The following ANAPC7 variants were observed in gnomAD, a reference collection of about 807,000 sequenced individuals.
ANAPC7 encodes anaphase-promoting complex subunit 7.
A neutral mutation model predicts 63.3 loss-of-function variants in ANAPC7; 25 were observed. The observed-to-expected ratio is 0.39, with a 90% CI of 0.29 to 0.55. The LOEUF (loss-of-function observed/expected upper bound fraction) is 0.55. Among genes scored for constraint, ANAPC7 ranks in the 20% least tolerant of loss-of-function variants. The probability of loss-of-function intolerance (pLI) is 0.57; values close to 1 mark genes in which losing one functional copy is unlikely to be tolerated. For synonymous variants in ANAPC7, 241 were observed against 251.7 expected (o/e 0.96, Z 0.40); for missense variants, 516 against 691.7 (o/e 0.75, Z 2.85).
At chr12:110,403,166 G>A (rs986795041) in intron 1 of ANAPC7, among the ~76,000 whole-genome samples, 1 of 152,136 alleles carries the variant, frequency 6.6e-6, no homozygotes, top group Non-Finnish European at 1.5e-5. Context: ...GCTGCAGCGA[G>A]AGAAAAAAAC....
At chr12:110,394,921 T>C (rs775085875) in intron 3 of ANAPC7, among the ~76,000 whole-genome samples, 180 bp downstream of exon 3, 1 of 152,106 alleles carries the variant, frequency 6.6e-6, no homozygotes, top group Non-Finnish European at 1.5e-5. Context: ...ATTCTCCAGC[T>C]ATCATTTTCA....
At chr12:110,388,453 T>G in intron 4 of ANAPC7, 59 bp downstream of exon 4, 2 of 1,341,562 alleles carry the variant, frequency 1.5e-6, no homozygotes, top group Non-Finnish European at 2.1e-6. Context: ...CAGGCAAGAT[T>G]GAGAACTACT....
chr12:110,388,400 T>C (rs1882801401), intron 4 of ANAPC7, 112 bp downstream of exon 4: 5 of 739,614 alleles, frequency 6.8e-6, no homozygotes. Context: ...TAAATCACTC[T>C]CTTCAGGGGA....
In ANAPC7 at chr12:110,382,956, C is replaced by T; in HGVS notation, c.822G>A (p.Met274Ile). Residue 274 changes from methionine to isoleucine, a missense_variant, in exon 7 of 11, where the codon ATG becomes ATA. By Grantham distance (10) the Met-to-Ile change is conservative (BLOSUM62 1). Coordinates refer to ENST00000455511, the MANE Select transcript of ANAPC7 (RefSeq NM_016238.3). ...QMLDPYLIKG[M>I]DVYGYLLARE... ...GTGCCAGTAGGTAGCCATATACATC[C>T]ATTCCTAGAAGAGAAGGACATAGTG... 6.2e-7 allele frequency: 1 copy of T among 1,612,254 alleles called. No individual in the cohort carries two copies. Among genetic ancestry groups the T allele is most frequent in the African/African-American group, 1.3e-5 (1 of 74,956 alleles).
intron 3 of ANAPC7, among the ~76,000 whole-genome samples, chr12:110,388,880 A>T (rs1289535203): frequency 6.6e-6 from 1 of 151,998 alleles, no homozygotes; most frequent in Non-Finnish European, 1.5e-5. Flanking sequence ...GGAGATTGAG[A>T]CCATCCCGGC....
At position 110,373,964 on chromosome 12, in the gene ANAPC7, G is replaced by T; in HGVS notation, c.*180C>A. 1 of 612,196 alleles carries T rather than the reference G, an allele frequency of 1.6e-6. No homozygotes were observed. Among genetic ancestry groups the T allele is most frequent in the Non-Finnish European group, 2.6e-6 (1 of 388,910 alleles). 37.9% of individuals were successfully genotyped at this position (612,196 alleles called of 1,614,324 possible). A position where few individuals can be genotyped will look rare whatever the true frequency, so the allele number is the denominator to read the frequency against. ...GGAGGATGGAGATACATGGAAGGTTGGTCAGGCTCTGTTTTAGAAATGAAG... is the reference window on the plus strand; with the variant it reads ...GGAGGATGGAGATACATGGAAGGTTTGTCAGGCTCTGTTTTAGAAATGAAG... On this transcript the variant is annotated 3_prime_UTR_variant, in exon 11 of 11. Coordinates refer to ENST00000455511, the MANE Select transcript of ANAPC7 (RefSeq NM_016238.3).
intron 1 of ANAPC7, among the ~76,000 whole-genome samples, chr12:110,403,064 G>A (rs1391961073): frequency 6.6e-6 from 1 of 152,122 alleles, no homozygotes; most frequent in African/African-American, 2.4e-5. Context: ...GTTTCCCAAG[G>A]CCAGAAAGTG....
At position 110,374,162 on chromosome 12, in the gene ANAPC7, C is replaced by T; in HGVS notation, c.1680G>A (p.Gln560=). 2.2e-5 allele frequency: 35 copies of T among 1,612,466 alleles called. 1 individual carries two copies. Among genetic ancestry groups the T allele is most frequent in the Non-Finnish European group, 3.0e-5 (35 of 1,179,880 alleles). Residue 560 remains glutamine (Q), a synonymous_variant, in exon 11 of 11, where the codon CAG becomes CAA. Coordinates refer to ENST00000455511, the MANE Select transcript of ANAPC7 (RefSeq NM_016238.3). ...CGCCCCCTCACTGCATGCCGAACCA[C>T]TGCTCCTGGTCAGCCCACTGGGCCG... ...SEAAQWADQE[Q]WFGMQ
intron 7 of ANAPC7, 47 bp downstream of exon 7, chr12:110,382,795 CT>C (rs772139448): frequency 1.4e-6 from 2 of 1,462,106 alleles, no homozygotes; most frequent in Admixed American, 1.8e-5. Context: ...CAACCATTAT[CT>C]CTTAATCTAC....
At chr12:110,381,975 A>T in intron 7 of ANAPC7, 27 bp from the exon 8 acceptor site, 1 of 1,457,614 alleles carries the variant, frequency 6.9e-7, no homozygotes, top group South Asian at 1.3e-5. Context: ...AAAAAAAAAC[A>T]CAAAAACCCC....
chr12:110,399,462 T>TAA (rs531274525), intron 1 of ANAPC7, among the ~76,000 whole-genome samples: 9 of 140,808 alleles, frequency 6.4e-5, no homozygotes, highest in Admixed American at 1.4e-4. Context: ...TCTTGTCTCT[T>TAA]AAAAAAAAAA....
chr12:110,402,398 C>A (rs1305242809), intron 1 of ANAPC7, among the ~76,000 whole-genome samples: 5 of 150,542 alleles, frequency 3.3e-5, no homozygotes, highest in Admixed American at 2.7e-4. Context: ...GGTGCTACTT[C>A]GGCTCACTGC....
intron 6 of ANAPC7, among the ~76,000 whole-genome samples, chr12:110,386,111 G>A (rs1216842412): frequency 2.0e-5 from 3 of 152,132 alleles, no homozygotes; most frequent in African/African-American, 7.2e-5. Context: ...TCTGTGGGGA[G>A]AAGACACTTG....
chr12:110,385,657 C>T (rs1413588060), intron 6 of ANAPC7, among the ~76,000 whole-genome samples: 1 of 152,242 alleles, frequency 6.6e-6, no homozygotes, highest in African/African-American at 2.4e-5. Context: ...CTTGGGATGG[C>T]CCCTTCCCAG....
At chr12:110,384,126 CAG>C (rs201398895) in intron 6 of ANAPC7, among the ~76,000 whole-genome samples, 1,797 of 151,778 alleles carry the variant, frequency 0.012, 18 homozygotes, top group Non-Finnish European at 0.019. Flanking sequence ...TGCTTGAACT[CAG>C]AGGGCGGATG....
intron 3 of ANAPC7, among the ~76,000 whole-genome samples, chr12:110,392,308 C>T (rs1883169073): frequency 6.6e-6 from 1 of 152,106 alleles, no homozygotes; most frequent in Admixed American, 6.6e-5. Context: ...CAGCCACCAT[C>T]ATACTGAAGA....
intron 1 of ANAPC7, 144 bp downstream of exon 1, chr12:110,403,383 C>T (rs2062261744): frequency 1.1e-6 from 1 of 874,180 alleles, no homozygotes; most frequent in African/African-American, 1.7e-5. Context: ...GTCTGCTCCG[C>T]TCCAGGACGC....
rs1209039286 is a variant in ANAPC7, at chr12:110,377,562, A to T, written c.1188T>A (p.Ala396=). 6.2e-7 allele frequency: 1 copy of T among 1,614,096 alleles called. No homozygotes were observed. Residue 396 remains alanine, a synonymous_variant, in exon 9 of 11, where the codon GCT becomes GCA. Transcript: ENST00000455511. The part of the protein sequence containing the change: ...SNSIREAMVM[A]NNVYKTLGAN... Reference sequence around the variant, plus strand: ...CTCCCAGAGTTTTGTAAACGTTGTTAGCCATTACCATTGCTTCTCGAATAC... The same window carrying T: ...CTCCCAGAGTTTTGTAAACGTTGTTTGCCATTACCATTGCTTCTCGAATAC...
intron 1 of ANAPC7, among the ~76,000 whole-genome samples, chr12:110,396,827 T>TA (rs1346253814): frequency 2.0e-5 from 3 of 151,924 alleles, no homozygotes; most frequent in Non-Finnish European, 4.4e-5. Flanking sequence ...CAGGCCCTTT[T>TA]AACAGTCTGA....
Sources: allele counts gnomAD v4.1 joint callset (sites outside exome capture counted in the v4.1 genomes callset), GRCh38; gene constraint gnomAD v4.1.1; transcripts MANE v1.5; gene names NCBI Gene and HGNC (gene_info 2026-07-23, HGNC 2026-07-21).